CSMD1: variants seen among roughly 807,000 people sequenced by gnomAD.
CSMD1 encodes the protein CUB and Sushi multiple domains 1, also known as CUB and sushi domain-containing protein 1.
CSMD1 carries 213 observed loss-of-function variants against 417.5 expected under a neutral mutation model. That is an observed-to-expected ratio of 0.51 (90% CI 0.46 to 0.57). The LOEUF is 0.57. Among genes scored for constraint, CSMD1 ranks in the 20% least tolerant of loss-of-function variants. CSMD1 has a pLI of 0.00. For synonymous variants in CSMD1, 2,862 were observed against 1,736.8 expected (o/e 1.65, Z -16.11); for missense variants, 6,923 against 4,529.7 (o/e 1.53, Z -15.17).
At chr8:4,787,272 CTT>C in intron 1 of CSMD1, 1 of 611,304 alleles carries the variant, frequency 1.6e-6, no homozygotes, top group Non-Finnish European at 3.0e-6. Context: ...GATCACCCCT[CTT>C]TTCTAGAGCT....
intron 35 of CSMD1, among the ~76,000 whole-genome samples, chr8:3,188,243 A>C (rs1796196434): frequency 7.9e-5 from 1 of 12,696 alleles, no homozygotes; most frequent in Admixed American, 6.8e-4. Flanking sequence ...TACATGGCAA[A>C]ATTTAAAAAA....
At chr8:4,903,036 T>TA (rs869115571) in intron 1 of CSMD1, among the ~76,000 whole-genome samples, 21 of 118,226 alleles carry the variant, frequency 1.8e-4, no homozygotes, top group Non-Finnish European at 3.8e-4. Context: ...AATAAATAAA[T>TA]AATAAACTAA....
chr8:4,348,870 A>T (rs1222762702), intron 3 of CSMD1, among the ~76,000 whole-genome samples: 2 of 152,140 alleles, frequency 1.3e-5, no homozygotes, highest in Non-Finnish European at 2.9e-5. Context: ...GTTCATCTAC[A>T]TGTCTGTTGC....
chr8:4,017,497 G>C (rs947768892), intron 4 of CSMD1, among the ~76,000 whole-genome samples: 1 of 151,978 alleles, frequency 6.6e-6, no homozygotes, highest in Non-Finnish European at 1.5e-5. Flanking sequence ...GTAGAGACGG[G>C]GTTTCTCCAT....
intron 47 of CSMD1, among the ~76,000 whole-genome samples, chr8:3,094,096 T>A (rs1176453951): frequency 2.6e-5 from 4 of 151,820 alleles, no homozygotes; most frequent in African/African-American, 4.8e-5. Flanking sequence ...TTTTTTATTT[T>A]ATTTTATTTT....
chr8:4,477,921 T>G (rs1800890075), intron 2 of CSMD1, among the ~76,000 whole-genome samples: 1 of 152,326 alleles, frequency 6.6e-6, no homozygotes, highest in South Asian at 2.1e-4. Context: ...CTGATCAATT[T>G]TTGCCTGGCG....
In CSMD1 at chr8:3,692,293, A is replaced by C. The variant is rs1385165946; in HGVS notation, c.1009+16121T>G. 3.9e-5 allele frequency among the ~76,000 whole-genome samples: 6 copies of C among 152,016 alleles called. No individual in the cohort carries two copies. The South Asian group carries it at 1.0e-3, about 26-fold the overall frequency. The stretch of plus-strand genomic sequence containing the variant: ...ACCAGCACCACCACAATTTGTATAC[A>C]CCCCACTGAACTTCAAGTTATGACC... On this transcript the variant is annotated intron_variant, in intron 7 of 69. Coordinates refer to ENST00000635120, the MANE Select transcript of CSMD1 (RefSeq NM_033225.6).
chr8:3,029,738 C>A (rs751429985), intron 50 of CSMD1, among the ~76,000 whole-genome samples: 2 of 150,902 alleles, frequency 1.3e-5, no homozygotes, highest in African/African-American at 4.8e-5. Context: ...CCTGGGAAGT[C>A]TGCAGTCAGA....
At chr8:3,550,839 G>A (rs777551262) in intron 10 of CSMD1, among the ~76,000 whole-genome samples, 11 of 152,250 alleles carry the variant, frequency 7.2e-5, no homozygotes, top group South Asian at 6.2e-4. Context: ...GTAAATATAT[G>A]GGTAAATAGG....
intron 3 of CSMD1, among the ~76,000 whole-genome samples, chr8:4,080,344 A>G (rs137997929): frequency 1.3e-3 from 194 of 151,480 alleles, no homozygotes; most frequent in African/African-American, 4.4e-3. Flanking sequence ...TTCACAAGTG[A>G]AAGGTGAAGC....
chr8:3,345,160 C>A (rs944937442), intron 22 of CSMD1, among the ~76,000 whole-genome samples: 18 of 152,258 alleles, frequency 1.2e-4, no homozygotes, highest in Middle Eastern at 3.4e-3. Flanking sequence ...CCTGCTGGGT[C>A]CTGACACACT....
At chr8:4,648,533 A>G (rs1359364729) in intron 1 of CSMD1, among the ~76,000 whole-genome samples, 1 of 152,178 alleles carries the variant, frequency 6.6e-6, no homozygotes, top group Non-Finnish European at 1.5e-5. Flanking sequence ...TCTTAGGGAA[A>G]TAGTGCTATA....
intron 1 of CSMD1, among the ~76,000 whole-genome samples, chr8:4,657,876 T>C (rs1488202651): frequency 4.0e-5 from 6 of 151,762 alleles, no homozygotes; most frequent in African/African-American, 7.3e-5. Context: ...AAGCAGAAAA[T>C]GTCACTACAG....
chr8:4,832,074 T>G (rs1800188234), intron 1 of CSMD1, among the ~76,000 whole-genome samples: 1 of 152,190 alleles, frequency 6.6e-6, no homozygotes, highest in African/African-American at 2.4e-5. Context: ...AACCAAAGCT[T>G]CTATCTACCC....
At chr8:4,830,316 T>C (rs1342737622) in intron 1 of CSMD1, among the ~76,000 whole-genome samples, 4 of 152,366 alleles carry the variant, frequency 2.6e-5, no homozygotes, top group South Asian at 2.1e-4. Flanking sequence ...TTTTCCTACA[T>C]TTCTCACTGC....
In CSMD1 at chr8:4,207,306, G is replaced by C. The variant is rs185815896; in HGVS notation, c.416-175207C>G. On this transcript the variant is annotated intron_variant, in intron 3 of 69. Transcript: ENST00000635120. ...TATGGCTGGTCTAAACCATGTTAAC[G>C]TTAACTTTTAGTGGCTAGGACTCGT... 3.3e-5 allele frequency among the ~76,000 whole-genome samples: 5 copies of C among 152,230 alleles called. No individual in the cohort carries two copies. The South Asian group carries it at 8.3e-4, about 25-fold the overall frequency.
intron 12 of CSMD1, among the ~76,000 whole-genome samples, chr8:3,421,795 G>A (rs1396797649): frequency 6.6e-6 from 1 of 152,154 alleles, no homozygotes; most frequent in Non-Finnish European, 1.5e-5. Flanking sequence ...ATGACACCAT[G>A]CCCAGGTAAT....
intron 2 of CSMD1, among the ~76,000 whole-genome samples, chr8:4,583,186 T>C (rs529039688): frequency 2.0e-5 from 3 of 152,170 alleles, no homozygotes; most frequent in Admixed American, 6.5e-5. Context: ...CCCAGTCCCA[T>C]CCACCACCCA....
intron 6 of CSMD1, among the ~76,000 whole-genome samples, chr8:3,729,140 T>C (rs372192002): frequency 6.6e-6 from 1 of 152,344 alleles, no homozygotes; most frequent in South Asian, 2.1e-4. Flanking sequence ...GAAAACTCAC[T>C]TGTGGAACAT....
Sources: allele counts gnomAD v4.1 joint callset (sites outside exome capture counted in the v4.1 genomes callset), GRCh38; gene constraint gnomAD v4.1.1; transcripts MANE v1.5; gene names NCBI Gene and HGNC (gene_info 2026-07-23, HGNC 2026-07-21).